The following BIN3 variants were observed in gnomAD, a reference collection of about 807,000 sequenced individuals.
BIN3 encodes bridging integrator 3.
Under a neutral mutation model 38.2 loss-of-function variants are expected in BIN3, and 41 were observed. The ratio of observed to expected loss-of-function variants is 1.07; its 90% CI spans 0.84 to 1.39. The LOEUF is 1.39. Among genes scored for constraint, BIN3 ranks in the 40% most tolerant of loss-of-function variants. The pLI, the probability that BIN3 is intolerant of heterozygous loss-of-function variation, is 0.00. For missense variants in BIN3, 361 were observed against 324.3 expected (o/e 1.11, Z -0.87); for synonymous variants, 145 against 122.6 (o/e 1.18, Z -1.21).
At chr8:22,658,716 G>A (rs1803137215) in intron 1 of BIN3, among the ~76,000 whole-genome samples, 1 of 152,192 alleles carries the variant, frequency 6.6e-6, no homozygotes, top group Admixed American at 6.5e-5. Flanking sequence ...GAACCCTGGA[G>A]TGATTCAGTC....
intron 5 of BIN3, 74 bp from the exon 6 acceptor site, chr8:22,630,078 T>C (rs1802140109): frequency 2.8e-6 from 4 of 1,426,598 alleles, no homozygotes; most frequent in Non-Finnish European, 3.9e-6. Flanking sequence ...GGCCCCTAAC[T>C]ACCAAAGGGC....
intron 8 of BIN3, among the ~76,000 whole-genome samples, chr8:22,623,074 C>CA (rs1228257315): frequency 2.0e-5 from 3 of 152,244 alleles, no homozygotes; most frequent in African/African-American, 7.2e-5. Context: ...CAGCCACGCT[C>CA]AGACCACCCG....
intron 1 of BIN3, among the ~76,000 whole-genome samples, chr8:22,654,722 T>C (rs1803003928): frequency 6.6e-6 from 1 of 152,250 alleles, no homozygotes; most frequent in Non-Finnish European, 1.5e-5. Context: ...ATTTTGTTTA[T>C]CCACTTATCA....
intron 1 of BIN3, among the ~76,000 whole-genome samples, chr8:22,655,284 A>G (rs558996034): frequency 6.7e-6 from 1 of 150,190 alleles, no homozygotes; most frequent in Admixed American, 6.6e-5. Context: ...AATTTTGATG[A>G]AGTCCAATTT....
Position 22,630,058 on chromosome 8 carries a change from C to A in BIN3, c.298-54G>T. The stretch of plus-strand genomic sequence containing the variant: ...AACTGGTGGGGAGGGGAGGGCGACA[C>A]GCAAGGCAGGGCCCCTAACTACCAA... On this transcript the variant is annotated intron_variant, in intron 5 of 8. Transcript: ENST00000276416. The A allele has an allele frequency of 2.6e-6, 4 of 1,529,266 alleles. No homozygotes were observed. In the South Asian group the frequency reaches 3.5e-5, roughly 13 times the overall value. The allele number at this position is 1,529,266 out of a possible 1,614,324, so 94.7% of individuals were successfully genotyped here.
intron 6 of BIN3, chr8:22,629,607 C>G (rs542690023): frequency 3.2e-6 from 1 of 311,380 alleles, no homozygotes; most frequent in Admixed American, 4.1e-5. Context: ...TGCTCATGTC[C>G]GCTGAGGGCT....
intron 1 of BIN3, among the ~76,000 whole-genome samples, chr8:22,661,493 G>A (rs550379851): frequency 6.6e-6 from 1 of 150,658 alleles, no homozygotes; most frequent in East Asian, 2.0e-4. Flanking sequence ...TAGTAGCTTG[G>A]ATTACAGGCG....
Position 22,625,230 on chromosome 8 carries a change from G to A in BIN3, c.339-867C>T. Reference sequence around the variant, plus strand: ...GGATCATGTGTCCTCTAGTGACCAGGAGCAGTGCTCTCCTGAGGCTCTCGC... The same window carrying A: ...GGATCATGTGTCCTCTAGTGACCAGAAGCAGTGCTCTCCTGAGGCTCTCGC... On this transcript the variant is annotated intron_variant, in intron 6 of 8. Transcript: ENST00000276416. 3 of 687,572 alleles carry A rather than the reference G, an allele frequency of 4.4e-6. No homozygotes were observed. In the South Asian group the frequency reaches 4.5e-5, roughly 10 times the overall value. 42.6% of individuals were successfully genotyped at this position (687,572 alleles called of 1,614,324 possible).
At chr8:22,663,817 C>T (rs1045268838) in intron 1 of BIN3, among the ~76,000 whole-genome samples, 1 of 152,160 alleles carries the variant, frequency 6.6e-6, no homozygotes, top group Non-Finnish European at 1.5e-5. Context: ...TCCTTCTCTC[C>T]CTCCCACTGA....
intron 4 of BIN3, among the ~76,000 whole-genome samples, chr8:22,632,844 G>T (rs543199363): frequency 1.3e-5 from 2 of 152,146 alleles, no homozygotes; most frequent in Admixed American, 6.5e-5. Context: ...AAGTAGCTGG[G>T]ATTACAGGTG....
intron 1 of BIN3, among the ~76,000 whole-genome samples, chr8:22,646,764 G>A (rs775973002): frequency 3.3e-5 from 5 of 152,178 alleles, no homozygotes; most frequent in South Asian, 2.1e-4. Flanking sequence ...AAAGGTTCAC[G>A]GGGAGATGGG....
chr8:22,624,389 G>A, intron 6 of BIN3, 26 bp from the exon 7 acceptor site: 1 of 1,604,998 alleles, frequency 6.2e-7, no homozygotes, highest in South Asian at 1.1e-5. Flanking sequence ...GCTGGAGATG[G>A]GCCCGTTCTT....
intron 1 of BIN3, among the ~76,000 whole-genome samples, chr8:22,664,257 T>C (rs1803339949): frequency 6.6e-6 from 1 of 152,230 alleles, no homozygotes; most frequent in Non-Finnish European, 1.5e-5. Flanking sequence ...GACACTTGAC[T>C]CTTTCTGACT....
intron 1 of BIN3, among the ~76,000 whole-genome samples, chr8:22,668,326 C>T (rs775383806): frequency 8.5e-5 from 13 of 152,166 alleles, no homozygotes; most frequent in Non-Finnish European, 1.6e-4. Flanking sequence ...TACTATGACC[C>T]AAGTATCACA....
intron 1 of BIN3, among the ~76,000 whole-genome samples, chr8:22,653,241 A>C (rs1458835384): frequency 6.6e-6 from 1 of 152,214 alleles, no homozygotes; most frequent in Non-Finnish European, 1.5e-5. Context: ...TAAATGTTTT[A>C]TCAGTGTGTT....
intron 6 of BIN3, 155 bp from the exon 7 acceptor site, chr8:22,624,518 C>T: frequency 3.1e-6 from 3 of 966,274 alleles, no homozygotes; most frequent in East Asian, 2.6e-5. Flanking sequence ...GTGCCCTGAG[C>T]ACCTACCAAG....
chr8:22,621,188 A>G lies in BIN3; in HGVS notation c.*234T>C, dbSNP rs540265828. ...CATGCTGGACGGTTCTCCAAATAAA[A>G]AAGCCCCAAGGGTTTGTCTACACTG... is the stretch of plus-strand genomic sequence containing the variant. On this transcript the variant is annotated 3_prime_UTR_variant, in exon 9 of 9. Transcript: ENST00000276416. The G allele has an allele frequency of 3.6e-6, 2 of 548,848 alleles. No homozygotes were observed. Among genetic ancestry groups the G allele is most frequent in the African/African-American group, 3.8e-5 (2 of 52,626 alleles). 34.0% of individuals were successfully genotyped at this position (548,848 alleles called of 1,614,324 possible).
In BIN3 at chr8:22,621,534, C is replaced by T; in HGVS notation, c.650G>A (p.Gly217Glu). Residue 217 changes from glycine (G) to glutamate (E), a missense_variant, in exon 9 of 9, where the codon GGA (glycine) becomes GAA (glutamate). Coordinates refer to ENST00000276416, the MANE Select transcript of BIN3 (RefSeq NM_018688.6). The part of the protein sequence containing the change: ...VYYSEMHKIF[G>E]DLSHQLDQPG... The stretch of plus-strand genomic sequence containing the variant: ...CTGGTCAAGCTGATGGGACAGGTCT[C>T]CAAAGATCTTGTGCATTTCCGAGTA... The T allele has an allele frequency of 2.5e-6, 4 of 1,613,880 alleles. No individual in the cohort carries two copies. Among genetic ancestry groups the T allele is most frequent in the Non-Finnish European group, 3.4e-6 (4 of 1,179,896 alleles).
intron 4 of BIN3, among the ~76,000 whole-genome samples, chr8:22,636,123 T>C (rs374703328): frequency 3.3e-5 from 5 of 152,332 alleles, no homozygotes; most frequent in African/African-American, 1.2e-4. Flanking sequence ...ACAGCTTCCA[T>C]TCTTGTTGCC....
Sources: gnomAD v4.1 joint callset for allele counts (sites outside exome capture counted in the v4.1 genomes callset) on GRCh38, gnomAD v4.1.1 for gene constraint, MANE v1.5 for transcripts, NCBI Gene and HGNC (gene_info 2026-07-23, HGNC 2026-07-21) for gene names.